Variants in REDIC1 observed in about 807,000 individuals in gnomAD.
The protein encoded by REDIC1 is HEI10 Interacting Protein 1.
At chr12:39,900,852 T>G in the REDIC1 span, among the ~76,000 whole-genome samples, 8 of 152,284 alleles carry the variant, frequency 5.3e-5, no homozygotes, top group African/African-American at 1.4e-4. Context: ...AAAGTTCATA[T>G]GCAACCAAAA....
the REDIC1 span, among the ~76,000 whole-genome samples, chr12:39,705,878 G>C: frequency 1.5e-3 from 226 of 152,028 alleles, no homozygotes; most frequent in Non-Finnish European, 1.9e-3. Context: ...AGAACTGAAA[G>C]GCTTTCCTCT....
chr12:39,654,886 A>T, the REDIC1 span, among the ~76,000 whole-genome samples: 1 of 152,106 alleles, frequency 6.6e-6, no homozygotes, highest in African/African-American at 2.4e-5. Flanking sequence ...TTTAGTGAGA[A>T]CACTTAATTA....
At chr12:39,876,971 T>C in the REDIC1 span, among the ~76,000 whole-genome samples, 2 of 152,212 alleles carry the variant, frequency 1.3e-5, no homozygotes, top group Non-Finnish European at 2.9e-5. Flanking sequence ...TAAGTTATGT[T>C]CTTTAGCTCT....
At chr12:39,699,653 C>T in the REDIC1 span, among the ~76,000 whole-genome samples, 2 of 152,126 alleles carry the variant, frequency 1.3e-5, no homozygotes, top group Non-Finnish European at 2.9e-5. Flanking sequence ...GGGCAGGGCA[C>T]AAACAAAAAG....
chr12:39,701,979 A>C, the REDIC1 span, among the ~76,000 whole-genome samples: 3 of 152,216 alleles, frequency 2.0e-5, no homozygotes, highest in African/African-American at 7.2e-5. Context: ...TGCCCACAAG[A>C]GAAAGCAGGA....
the REDIC1 span, among the ~76,000 whole-genome samples, chr12:39,857,020 G>A: frequency 6.6e-6 from 1 of 152,184 alleles, no homozygotes; most frequent in Non-Finnish European, 1.5e-5. Flanking sequence ...GCTATTTTAA[G>A]TGGATTTACT....
chr12:39,797,809 T>A, the REDIC1 span, among the ~76,000 whole-genome samples: 1 of 151,436 alleles, frequency 6.6e-6, no homozygotes, highest in Admixed American at 6.6e-5. Context: ...CGGTCGTAAT[T>A]CAACCTATAT....
At chr12:39,838,456 C>A in the REDIC1 span, among the ~76,000 whole-genome samples, 2 of 137,892 alleles carry the variant, frequency 1.5e-5, no homozygotes, top group African/African-American at 5.5e-5. Flanking sequence ...CTAACCTGCA[C>A]AATGTGCACA....
At chr12:39,647,853 G>A in the REDIC1 span, 1 of 1,607,676 alleles carries the variant, frequency 6.2e-7, no homozygotes, top group Middle Eastern at 1.7e-4. Flanking sequence ...GAGAACTGCA[G>A]TTTCACTCCA....
the REDIC1 span, among the ~76,000 whole-genome samples, chr12:39,818,837 T>TA: frequency 6.6e-6 from 1 of 152,162 alleles, no homozygotes; most frequent in Admixed American, 6.6e-5. Context: ...GTTATAAGTA[T>TA]AAAAATTGAA....
At chr12:39,665,020 G>T in the REDIC1 span, among the ~76,000 whole-genome samples, 1 of 152,134 alleles carries the variant, frequency 6.6e-6, no homozygotes, top group Non-Finnish European at 1.5e-5. Context: ...CATTCTGTAG[G>T]TTGCCTGTTC....
chr12:39,842,305 T>C, the REDIC1 span, among the ~76,000 whole-genome samples: 1 of 152,212 alleles, frequency 6.6e-6, no homozygotes, highest in East Asian at 1.9e-4. Flanking sequence ...TGCAGGAGCA[T>C]TCCTGTTTCA....
the REDIC1 span, chr12:39,644,040 C>T: frequency 1.3e-6 from 1 of 791,340 alleles, no homozygotes; most frequent in Non-Finnish European, 1.9e-6. Context: ...AATTTGGTTG[C>T]TCTCTTAAAT....
chr12:39,871,370 T>C, the REDIC1 span, among the ~76,000 whole-genome samples: 2 of 105,884 alleles, frequency 1.9e-5, no homozygotes, highest in Non-Finnish European at 3.8e-5. Flanking sequence ...ATTCCACTGC[T>C]GAAAGAGCTT....
At chr12:39,893,905 T>C in the REDIC1 span, among the ~76,000 whole-genome samples, 1 of 152,226 alleles carries the variant, frequency 6.6e-6, no homozygotes, top group Non-Finnish European at 1.5e-5. Context: ...GTAAATCCAT[T>C]ATTTTTATTG....
the REDIC1 span, among the ~76,000 whole-genome samples, chr12:39,878,138 C>G: frequency 0.011 from 1,609 of 152,292 alleles, 24 homozygotes; most frequent in African/African-American, 0.035. Flanking sequence ...TAGGAGTAAA[C>G]CAATTATACC....
the REDIC1 span, among the ~76,000 whole-genome samples, chr12:39,771,777 T>C: frequency 3.3e-5 from 5 of 152,074 alleles, no homozygotes; most frequent in Non-Finnish European, 7.4e-5. Flanking sequence ...AAAACCTCCA[T>C]CCTCCTTATT....
the REDIC1 span, among the ~76,000 whole-genome samples, chr12:39,635,698 T>C: frequency 6.6e-6 from 1 of 152,148 alleles, no homozygotes; most frequent in East Asian, 1.9e-4. Context: ...ATGTAAATGA[T>C]GAGTTGATGG....
At chr12:39,677,108 T>A in the REDIC1 span, among the ~76,000 whole-genome samples, 3 of 151,118 alleles carry the variant, frequency 2.0e-5, no homozygotes, top group African/African-American at 7.3e-5. Context: ...ATACTAACAT[T>A]GAATATAAAT....
Sources: allele counts gnomAD v4.1 joint callset (sites outside exome capture counted in the v4.1 genomes callset), GRCh38; gene constraint gnomAD v4.1.1; transcripts MANE v1.5; gene names NCBI Gene and HGNC (gene_info 2026-07-23, HGNC 2026-07-21).